Variants in SUSD5 observed in about 807,000 individuals in gnomAD.
SUSD5 encodes sushi domain containing 5, also known as sushi domain-containing protein 5.
A neutral mutation model predicts 29.5 loss-of-function variants in SUSD5; 33 were observed. The ratio of observed to expected loss-of-function variants is 1.12; its 90% CI spans 0.85 to 1.49. The LOEUF is 1.49. Ranked by LOEUF, SUSD5 falls within the 40% of genes most tolerant of loss-of-function variation. The pLI, the probability that SUSD5 is intolerant of heterozygous loss-of-function variation, is 0.00. For missense variants in SUSD5, 776 were observed against 800.6 expected, an observed-to-expected ratio of 0.97 and a Z score of 0.37; for synonymous variants, 308 against 325.3, an observed-to-expected ratio of 0.95 and a Z score of 0.57.
intron 3 of SUSD5, among the ~76,000 whole-genome samples, chr3:33,200,124 T>A (rs1275197041): frequency 1.3e-5 from 2 of 152,194 alleles, no homozygotes; most frequent in African/African-American, 4.8e-5. Flanking sequence ...TGAATGGGAC[T>A]AGTGCCCTTA....
At position 33,201,403 on chromosome 3, in the gene SUSD5, G is replaced by A. The variant is rs564537445; in HGVS notation, c.409+6405C>T. Among the ~76,000 whole-genome samples the A allele has an allele frequency of 7.9e-5, 12 of 152,354 alleles. No homozygotes were observed. The South Asian group carries it at 1.9e-3, about 24-fold the overall frequency. ...CTCTTCTGAGTAGCACAGAAGTGGA[G>A]AAGTCTGTCTGGGTTGTTGGTGCTC... On this transcript the variant is annotated intron_variant, in intron 3 of 4. Coordinates refer to ENST00000309558, the MANE Select transcript of SUSD5 (RefSeq NM_015551.2).
intron 1 of SUSD5, among the ~76,000 whole-genome samples, chr3:33,215,580 C>T (rs2032415550): frequency 6.6e-6 from 1 of 152,042 alleles, no homozygotes; most frequent in Non-Finnish European, 1.5e-5. Flanking sequence ...GTATTATCAT[C>T]CTCATTTTAT....
intron 3 of SUSD5, among the ~76,000 whole-genome samples, chr3:33,207,045 A>G (rs2032236083): frequency 6.6e-6 from 1 of 152,040 alleles, no homozygotes; most frequent in Admixed American, 6.6e-5. Flanking sequence ...TGTGTTTCTG[A>G]TAACAGAGGT....
Position 33,218,755 on chromosome 3 carries a change from G to A in SUSD5, c.43C>T (p.Arg15Cys). The change falls in exon 1 of 5, where the codon CGC becomes TGC. Residue 15 changes from arginine to cysteine, a missense_variant. Physicochemically the swap from Arg to Cys is radical, Grantham distance 180. Transcript: ENST00000309558. ...GCCGCCGCCCAGAGCCCGGGGAGGC[G>A]TCTGTGCCAACGGGCAGGCGGGCTG... Reference protein sequence around the residue: ...GPSPPARWHRRLPGLWAAALL... With the variant: ...GPSPPARWHRCLPGLWAAALL... The A allele has an allele frequency of 4.3e-6, 6 of 1,409,692 alleles. No individual in the cohort carries two copies. The highest frequency in any genetic ancestry group is 2.2e-4 in the Middle Eastern group (1 of 4,644). The allele number at this position is 1,409,692 out of a possible 1,614,324, so 87.3% of individuals were successfully genotyped here. A position where few individuals can be genotyped will look rare whatever the true frequency, so the allele number is the denominator to read the frequency against.
At chr3:33,175,195 A>AG in intron 3 of SUSD5, 121 bp from the exon 4 acceptor site, 4 of 1,087,470 alleles carry the variant, frequency 3.7e-6, no homozygotes, top group Non-Finnish European at 3.9e-6. Flanking sequence ...CTGTGATCAC[A>AG]GGGGCTGTTT....
intron 3 of SUSD5, among the ~76,000 whole-genome samples, chr3:33,192,465 C>G (rs912034744): frequency 6.6e-5 from 10 of 151,830 alleles, no homozygotes; most frequent in Admixed American, 2.0e-4. Context: ...AAATACTTCT[C>G]TATTGTGGTC....
intron 4 of SUSD5, 57 bp downstream of exon 4, chr3:33,174,829 A>G: frequency 1.3e-6 from 2 of 1,586,242 alleles, no homozygotes; most frequent in Non-Finnish European, 1.7e-6. Flanking sequence ...GCAGCAGTGG[A>G]GCCCTCAGCC....
chr3:33,154,252 G>A (rs761528792), intron 4 of SUSD5, among the ~76,000 whole-genome samples: 1 of 152,192 alleles, frequency 6.6e-6, no homozygotes, highest in Non-Finnish European at 1.5e-5. Flanking sequence ...GCCGGGCATG[G>A]TGGCTCACAC....
chr3:33,201,973 C>T (rs2032126007), intron 3 of SUSD5, among the ~76,000 whole-genome samples: 1 of 152,142 alleles, frequency 6.6e-6, no homozygotes, highest in Non-Finnish European at 1.5e-5. Flanking sequence ...GAAAAATATT[C>T]ATCTCTTACC....
At chr3:33,178,001 C>G (rs188601139) in intron 3 of SUSD5, among the ~76,000 whole-genome samples, 93 of 151,672 alleles carry the variant, frequency 6.1e-4, no homozygotes, top group Non-Finnish European at 5.9e-5. Flanking sequence ...ATTTCCAGTA[C>G]AATGCTGAAA....
chr3:33,168,505 A>G, intron 4 of SUSD5: 9 of 985,284 alleles, frequency 9.1e-6, no homozygotes, highest in Non-Finnish European at 1.1e-5. Context: ...ATGAGAAAAG[A>G]GCAAAGGAAC....
intron 3 of SUSD5, among the ~76,000 whole-genome samples, chr3:33,194,552 AG>A (rs1402341395): frequency 6.6e-6 from 1 of 152,216 alleles, no homozygotes; most frequent in Admixed American, 6.5e-5. Context: ...ACATGTTTCA[AG>A]GAAGTGTGTG....
chr3:33,213,810 C>T lies in SUSD5; in HGVS notation c.290+118G>A, dbSNP rs188252771. 304 of 1,084,384 alleles carry T rather than the reference C, an allele frequency of 2.8e-4. 4 individuals carry two copies. In the East Asian group the frequency reaches 6.6e-3, roughly 24 times the overall value. 67.2% of individuals were successfully genotyped at this position (1,084,384 alleles called of 1,614,324 possible). ...AACAAAACAAAACAAAACATGAACA[C>T]GCTACTGCCCACTGTACTCTGCCTG... On this transcript the variant is annotated intron_variant, in intron 2 of 4. Transcript: ENST00000309558.
chr3:33,171,708 C>T (rs2031431308), intron 4 of SUSD5, among the ~76,000 whole-genome samples: 1 of 152,136 alleles, frequency 6.6e-6, no homozygotes, highest in Admixed American at 6.5e-5. Flanking sequence ...CATCCCCCAC[C>T]CTCCACATAC....
chr3:33,168,935 C>A (rs1001075272), intron 4 of SUSD5, among the ~76,000 whole-genome samples: 1 of 152,216 alleles, frequency 6.6e-6, no homozygotes, highest in Non-Finnish European at 1.5e-5. Flanking sequence ...CAGGCATGAG[C>A]CACTGCACCT....
At chr3:33,170,413 T>G (rs2031399537) in intron 4 of SUSD5, among the ~76,000 whole-genome samples, 1 of 152,142 alleles carries the variant, frequency 6.6e-6, no homozygotes, top group Non-Finnish European at 1.5e-5. Flanking sequence ...GCTAGAGAAG[T>G]ACCAATACAC....
chr3:33,185,571 G>A (rs150369334), intron 3 of SUSD5, among the ~76,000 whole-genome samples: 2,155 of 152,260 alleles, frequency 0.014, 48 homozygotes, highest in African/African-American at 0.048. Context: ...TCCAATTCTA[G>A]GGACAGCAGT....
At chr3:33,208,585 CTTCT>C (rs1327792414) in intron 2 of SUSD5, among the ~76,000 whole-genome samples, 1 of 152,078 alleles carries the variant, frequency 6.6e-6, no homozygotes, top group Non-Finnish European at 1.5e-5. Context: ...TTCCTTTCCT[CTTCT>C]TTCTTTTTTC....
intron 2 of SUSD5, 150 bp from the exon 3 acceptor site, chr3:33,208,076 C>CAAA: frequency 1.7e-6 from 1 of 582,428 alleles, no homozygotes. Context: ...ACATTCTCTG[C>CAAA]AAAAAAAAGG....
Sources: allele counts gnomAD v4.1 joint callset (sites outside exome capture counted in the v4.1 genomes callset), GRCh38; gene constraint gnomAD v4.1.1; transcripts MANE v1.5; gene names NCBI Gene and HGNC (gene_info 2026-07-23, HGNC 2026-07-21).